Variants in MLEC observed in about 807,000 individuals in gnomAD.
MLEC encodes malectin, also known as oligosaccharyltransferase complex subunit (non-catalytic).
A neutral mutation model predicts 28.7 loss-of-function variants in MLEC; 7 were observed. The observed-to-expected ratio is 0.24, with a 90% CI of 0.14 to 0.46. The LOEUF is 0.46. MLEC is among the 20% of genes least tolerant of loss of function. MLEC has a pLI of 0.99. For missense variants in MLEC, 237 were observed against 391.1 expected, an observed-to-expected ratio of 0.61 and a Z score of 3.32; for synonymous variants, 142 against 164.4, an observed-to-expected ratio of 0.86 and a Z score of 1.04.
intron 1 of MLEC, among the ~76,000 whole-genome samples, chr12:120,690,100 T>G (rs1881980932): frequency 6.6e-6 from 1 of 152,242 alleles, no homozygotes; most frequent in Non-Finnish European, 1.5e-5. Context: ...CTACAGAAAG[T>G]GGTTTAGAAG....
Position 120,694,915 on chromosome 12 carries a change from T to A in MLEC, c.506T>A (p.Ile169Lys). The change falls in exon 3 of 5, where the codon ATA (isoleucine) becomes AAA (lysine). Residue 169 changes from isoleucine to lysine, a missense_variant. Physicochemically the swap from Ile to Lys is moderately radical, Grantham distance 102 (BLOSUM62 -3). Transcript: ENST00000228506. This position sits in a 1 kb window ranked among gnomAD's most constrained non-coding sequence, Gnocchi z 4.5. ...VGHSTAHDEI[I>K]PMSIRKGKLS... ...CATAGCACAGCTCACGATGAAATTA[T>A]ACCTATGAGCATCAGAAAGGGGAAG... 1 of 1,614,230 alleles carries A rather than the reference T, an allele frequency of 6.2e-7. No individual in the cohort carries two copies. The highest frequency in any genetic ancestry group is 8.5e-7 in the Non-Finnish European group (1 of 1,180,036).
rs770606103 is a variant in MLEC at position 120,700,938 on chromosome 12, A to T, written c.*4393A>T. On this transcript the variant is annotated 3_prime_UTR_variant, in exon 5 of 5. Coordinates refer to ENST00000228506, the MANE Select transcript of MLEC (RefSeq NM_014730.4). The surrounding 1 kb of genome is among the most constrained non-coding windows in gnomAD (Gnocchi z 4.0). ...CTTGATAAGAGCAGGTGATTTGGGG[A>T]CTAGCTGGGTTGGCAGGAAAAGAGC... is the stretch of plus-strand genomic sequence containing the variant. The T allele has an allele frequency of 2.6e-5, 4 of 152,304 alleles. No homozygotes were observed. The highest frequency in any genetic ancestry group is 5.9e-5 in the Non-Finnish European group (4 of 68,156). The allele number at this position is 152,304 out of a possible 1,614,324, so 9.4% of individuals were successfully genotyped here.
intron 1 of MLEC, among the ~76,000 whole-genome samples, chr12:120,689,885 C>T (rs1297488056): frequency 6.6e-6 from 1 of 152,182 alleles, no homozygotes; most frequent in African/African-American, 2.4e-5. Context: ...AGGGTTTGGC[C>T]TTCTTTTGAA....
rs1271922961 is a variant in MLEC, at chr12:120,694,579, T to C, written c.415-245T>C. Among the ~76,000 whole-genome samples the C allele has an allele frequency of 3.3e-5, 5 of 152,200 alleles. No homozygotes were observed. On this transcript the variant is annotated intron_variant, in intron 2 of 4. Coordinates refer to ENST00000228506, the MANE Select transcript of MLEC (RefSeq NM_014730.4). This position sits in a 1 kb window ranked among gnomAD's most constrained non-coding sequence, Gnocchi z 4.5. ...CTGTCCCTTCCTGTGAATTTCCTTC[T>C]TCCTATGCTAAGCTTTTTGTTTGTA... is the stretch of plus-strand genomic sequence containing the variant.
At position 120,694,713 on chromosome 12, in the gene MLEC, T is replaced by C. The variant is rs914180313; in HGVS notation, c.415-111T>C. ...CCACCCTGGATATCCAGACCCATCA[T>C]TTCTTAAATTATTTTTGAACTTCAA... On this transcript the variant is annotated intron_variant, in intron 2 of 4. Transcript: ENST00000228506. The surrounding 1 kb of genome is among the most constrained non-coding windows in gnomAD (Gnocchi z 4.5). 1.9e-6 allele frequency: 2 copies of C among 1,075,516 alleles called. No homozygotes were observed. The highest frequency in any genetic ancestry group is 2.7e-6 in the Non-Finnish European group (2 of 735,008). 66.6% of individuals were successfully genotyped at this position (1,075,516 alleles called of 1,614,324 possible).
rs1882308935 is a variant in MLEC at position 120,698,190 on chromosome 12, T to C, written c.*1645T>C. 1 of 152,126 alleles carries C rather than the reference T, an allele frequency of 6.6e-6. No homozygotes were observed. Among genetic ancestry groups the C allele is most frequent in the Non-Finnish European group, 1.5e-5 (1 of 68,024 alleles). 9.4% of individuals were successfully genotyped at this position (152,126 alleles called of 1,614,324 possible). On this transcript the variant is annotated 3_prime_UTR_variant, in exon 5 of 5. Coordinates refer to ENST00000228506, the MANE Select transcript of MLEC (RefSeq NM_014730.4). ...AGGCCAGGCCCGCTTTTCTAGAATG[T>C]GTTTAATTTTGAGTTTGCTTTATTA... is the stretch of plus-strand genomic sequence containing the variant.
At position 120,696,609 on chromosome 12, in the gene MLEC, G is replaced by A. The variant is rs2137421382; in HGVS notation, c.*64G>A. The A allele has an allele frequency of 1.3e-6, 2 of 1,575,864 alleles. No individual in the cohort carries two copies. Among genetic ancestry groups the A allele is most frequent in the South Asian group, 2.3e-5 (2 of 85,830 alleles). On this transcript the variant is annotated 3_prime_UTR_variant, in exon 5 of 5. Transcript: ENST00000228506. The surrounding 1 kb of genome is among the most constrained non-coding windows in gnomAD (Gnocchi z 5.4). The stretch of plus-strand genomic sequence containing the variant: ...GAAAGAAACCAGCCATATTGGTTTT[G>A]GTTTCTGTATTTTTCACAATGATTA...
Position 120,687,271 on chromosome 12 carries a change from G to A in MLEC, c.-26G>A, listed in dbSNP as rs943543366. On this transcript the variant is annotated 5_prime_UTR_variant, in exon 1 of 5. Transcript: ENST00000228506. The surrounding 1 kb of genome is among the most constrained non-coding windows in gnomAD (Gnocchi z 8.1). ...GCCGGCCGAGGACGAGGGTCGGCGG[G>A]GGCTGCCCCCGTGGTGGTGGCCGCC... 10 of 1,368,688 alleles carry A rather than the reference G, an allele frequency of 7.3e-6. No homozygotes were observed. The highest frequency in any genetic ancestry group is 9.4e-6 in the Non-Finnish European group (10 of 1,067,354). The allele number at this position is 1,368,688 out of a possible 1,614,324, so 84.8% of individuals were successfully genotyped here. A position where few individuals can be genotyped will look rare whatever the true frequency, so the allele number is the denominator to read the frequency against.
intron 1 of MLEC, among the ~76,000 whole-genome samples, chr12:120,691,877 C>G (rs1019853859): frequency 6.6e-6 from 1 of 151,992 alleles, no homozygotes; most frequent in African/African-American, 2.4e-5. Flanking sequence ...AAAAAAGATT[C>G]GGCCTGGTGT....
chr12:120,698,921 A>C lies in MLEC; in HGVS notation c.*2376A>C, dbSNP rs1882340195. 6.6e-6 allele frequency: 1 copy of C among 152,652 alleles called. No homozygotes were observed. Among genetic ancestry groups the C allele is most frequent in the South Asian group, 2.1e-4 (1 of 4,824 alleles). 9.5% of individuals were successfully genotyped at this position (152,652 alleles called of 1,614,324 possible). Reference sequence around the variant, plus strand: ...GAACATCTTTCTATGGCTAACAAAAACTAAAGGGGAAGTGAGGAAACAGGA... The same window carrying C: ...GAACATCTTTCTATGGCTAACAAAACCTAAAGGGGAAGTGAGGAAACAGGA... On this transcript the variant is annotated 3_prime_UTR_variant, in exon 5 of 5. Transcript: ENST00000228506.
At position 120,696,540 on chromosome 12, in the gene MLEC, T is replaced by C. The variant is rs1327185282; in HGVS notation, c.874T>C (p.Leu292=). The change falls in exon 5 of 5, where the codon TTG becomes CTG. Residue 292 remains leucine (L), a synonymous_variant. Transcript: ENST00000228506. The surrounding 1 kb of genome is among the most constrained non-coding windows in gnomAD (Gnocchi z 5.4). ...FIPTLFCLCR[L] is the part of the protein sequence containing the mutation. Reference sequence around the variant, plus strand: ...TCCAACCCTCTTCTGCCTCTGCCGGTTGTGAGAACAAATGACTATCCTGAA... The same window carrying C: ...TCCAACCCTCTTCTGCCTCTGCCGGCTGTGAGAACAAATGACTATCCTGAA... The C allele has an allele frequency of 6.2e-7, 1 of 1,614,100 alleles. No homozygotes were observed. The highest frequency in any genetic ancestry group is 1.7e-5 in the Admixed American group (1 of 60,018).
At chr12:120,690,145 C>T (rs1456644109) in intron 1 of MLEC, among the ~76,000 whole-genome samples, 2 of 151,992 alleles carry the variant, frequency 1.3e-5, no homozygotes, top group Admixed American at 6.6e-5. Context: ...AGGCACATTC[C>T]AGGGTTTTTA....
intron 1 of MLEC, among the ~76,000 whole-genome samples, chr12:120,692,581 C>G (rs1882081023): frequency 6.6e-6 from 1 of 151,586 alleles, no homozygotes; most frequent in Non-Finnish European, 1.5e-5. Flanking sequence ...AGGTCTTGAC[C>G]TCAACCACTG....
Position 120,695,089 on chromosome 12 carries a change from T to C in MLEC, c.592-6T>C. 1 of 1,614,202 alleles carries C rather than the reference T, an allele frequency of 6.2e-7. No individual in the cohort carries two copies. The highest frequency in any genetic ancestry group is 1.7e-5 in the Admixed American group (1 of 60,028). On this transcript the variant is annotated splice_region_variant and splice_polypyrimidine_tract_variant and intron_variant, in intron 3 of 4. Transcript: ENST00000228506. The stretch of plus-strand genomic sequence containing the variant: ...GTGGGGTTGACCACTGTTTCCCTTT[T>C]CCTAGGGGTACTATGACAATCCCAA...
chr12:120,692,788 T>C (rs994508174), intron 1 of MLEC, among the ~76,000 whole-genome samples: 1 of 151,400 alleles, frequency 6.6e-6, no homozygotes. Context: ...ACATGACGGC[T>C]ACATCTGTAG....
intron 1 of MLEC, among the ~76,000 whole-genome samples, chr12:120,688,300 TC>T (rs1881904098): frequency 2.0e-5 from 3 of 152,184 alleles, no homozygotes; most frequent in Admixed American, 2.0e-4. Context: ...GCTGCTCCCT[TC>T]CCAAAGTTAG....
rs1881861166 is a variant in MLEC at position 120,687,351 on chromosome 12, C to T, written c.55C>T (p.Leu19=). ...GTAVALLRLL[L]LLLPPAIRGP... ...CGCTGTGGCGCTCCTGCGACTGCTGCTGCTGCTGCTGCCGCCGGCGATCCG... is the reference window on the plus strand; with the variant it reads ...CGCTGTGGCGCTCCTGCGACTGCTGTTGCTGCTGCTGCCGCCGGCGATCCG... Residue 19 remains leucine (L), a synonymous_variant, in exon 1 of 5, where the codon CTG becomes TTG. Coordinates refer to ENST00000228506, the MANE Select transcript of MLEC (RefSeq NM_014730.4). The surrounding 1 kb of genome is among the most constrained non-coding windows in gnomAD (Gnocchi z 8.1). The T allele has an allele frequency of 8.7e-6, 12 of 1,383,802 alleles. No individual in the cohort carries two copies. The highest frequency in any genetic ancestry group is 1.0e-5 in the Non-Finnish European group (11 of 1,069,970). The allele number at this position is 1,383,802 out of a possible 1,614,324, so 85.7% of individuals were successfully genotyped here.
chr12:120,687,604 C>G lies in MLEC; in HGVS notation c.235+73C>G. ...GGCGCAGCCGGCCGGGGGCTGCGGG[C>G]CCCGAGCCCCTTTCGACCCTGGGGC... On this transcript the variant is annotated intron_variant, in intron 1 of 4. Transcript: ENST00000228506. This position sits in a 1 kb window ranked among gnomAD's most constrained non-coding sequence, Gnocchi z 8.1. The G allele has an allele frequency of 8.1e-7, 1 of 1,239,120 alleles. No individual in the cohort carries two copies. Among genetic ancestry groups the G allele is most frequent in the Non-Finnish European group, 1.1e-6 (1 of 931,302 alleles). The allele number at this position is 1,239,120 out of a possible 1,614,324, so 76.8% of individuals were successfully genotyped here.
chr12:120,693,031 G>A (rs538532730), intron 1 of MLEC, among the ~76,000 whole-genome samples: 10 of 152,170 alleles, frequency 6.6e-5, no homozygotes, highest in African/African-American at 1.7e-4. Flanking sequence ...TGTGTTGTGC[G>A]AGAGGAAGAA....
Sources: gnomAD v4.1 joint callset for allele counts (sites outside exome capture counted in the v4.1 genomes callset) on GRCh38, gnomAD v4.1.1 for gene constraint, Gnocchi (gnomAD v3.1) non-coding constraint, MANE v1.5 for transcripts, NCBI Gene and HGNC (gene_info 2026-07-23, HGNC 2026-07-21) for gene names.